The following CLSTN2 variants were observed in gnomAD, a reference collection of about 807,000 sequenced individuals.
CLSTN2 encodes calsyntenin 2.
CLSTN2 carries 48 observed loss-of-function variants against 101.2 expected under a neutral mutation model. The observed-to-expected ratio is 0.47, with a 90% CI of 0.38 to 0.60. The LOEUF is 0.60. Ranked by LOEUF, CLSTN2 falls within the 20% of genes least tolerant of loss-of-function variation. The pLI, the probability that CLSTN2 is intolerant of heterozygous loss-of-function variation, is 0.00. For synonymous variants in CLSTN2, 481 were observed against 463.6 expected (o/e 1.04, Z -0.48); for missense variants, 1,160 against 1,238.2 (o/e 0.94, Z 0.95).
intron 2 of CLSTN2, among the ~76,000 whole-genome samples, chr3:140,221,875 TA>T (rs1272302997): frequency 6.6e-6 from 1 of 152,000 alleles, no homozygotes; most frequent in Non-Finnish European, 1.5e-5. Context: ...GGTGGGAAAG[TA>T]AATTAGTACA....
At chr3:140,003,175 T>C (rs1560067107) in intron 1 of CLSTN2, among the ~76,000 whole-genome samples, 1 of 152,214 alleles carries the variant, frequency 6.6e-6, no homozygotes, top group Non-Finnish European at 1.5e-5. Flanking sequence ...TTTAACAATA[T>C]TGATTCTTCC....
Position 140,061,761 on chromosome 3 carries a change from C to G in CLSTN2, c.110-114190C>G, listed in dbSNP as rs1254960535. ...AGGCAGATGGAAAATCTTGCCATGG[C>G]CTGAAAGGACCATGCTGTTTCTTGC... On this transcript the variant is annotated intron_variant, in intron 1 of 16. Transcript: ENST00000458420. Among the ~76,000 whole-genome samples, 8 of 152,340 alleles carry G rather than the reference C, an allele frequency of 5.3e-5. 1 individual carries two copies. In the South Asian group the frequency reaches 1.7e-3, roughly 32 times the overall value.
intron 1 of CLSTN2, among the ~76,000 whole-genome samples, chr3:140,077,552 G>T (rs568126441): frequency 6.6e-6 from 1 of 152,264 alleles, no homozygotes; most frequent in East Asian, 1.9e-4. Flanking sequence ...TGCGAGATGT[G>T]GGGGAGACTC....
intron 2 of CLSTN2, among the ~76,000 whole-genome samples, chr3:140,257,021 G>A (rs2086609416): frequency 6.6e-6 from 1 of 152,138 alleles, no homozygotes; most frequent in Non-Finnish European, 1.5e-5. Flanking sequence ...GGGCGCGATG[G>A]CTCACGCTTG....
intron 1 of CLSTN2, among the ~76,000 whole-genome samples, chr3:140,065,537 ATGGACTTGAATG>A (rs1395400802): frequency 2.0e-5 from 3 of 152,312 alleles, no homozygotes; most frequent in Admixed American, 2.0e-4. Context: ...GGTAATTCCT[ATGGACTTGAATG>A]TGTTATCCTG....
At chr3:140,246,319 G>A (rs2086517221) in intron 2 of CLSTN2, among the ~76,000 whole-genome samples, 1 of 152,188 alleles carries the variant, frequency 6.6e-6, no homozygotes, top group South Asian at 2.1e-4. Flanking sequence ...ATCAGAGAGC[G>A]TTCCTGGTAA....
At chr3:140,194,288 A>T (rs79117632) in intron 2 of CLSTN2, among the ~76,000 whole-genome samples, 1 of 152,112 alleles carries the variant, frequency 6.6e-6, no homozygotes, top group African/African-American at 2.4e-5. Flanking sequence ...GTGTCCTTAC[A>T]TGGTGGAAGG....
At chr3:140,146,062 G>C (rs2009776698) in intron 1 of CLSTN2, among the ~76,000 whole-genome samples, 1 of 152,198 alleles carries the variant, frequency 6.6e-6, no homozygotes, top group African/African-American at 2.4e-5. Flanking sequence ...CCTTTCCCAA[G>C]ACATCCTGAG....
At chr3:140,180,578 C>A (rs2010393058) in intron 2 of CLSTN2, among the ~76,000 whole-genome samples, 1 of 152,152 alleles carries the variant, frequency 6.6e-6, no homozygotes, top group South Asian at 2.1e-4. Context: ...TTAATTTCTA[C>A]CTGTGCCCCA....
Position 140,448,556 on chromosome 3 carries a change from G to A in CLSTN2, c.825G>A (p.Gly275=), listed in dbSNP as rs752876539. 6.8e-6 allele frequency: 11 copies of A among 1,614,030 alleles called. No individual in the cohort carries two copies. In the East Asian group the frequency reaches 2.5e-4, roughly 36 times the overall value. The part of the protein sequence containing the change: ...TKRIEYQPGS[G]SMPLFPSIHL... ...GGATTGAGTACCAGCCTGGCTCCGG[G>A]AGCATGCCCCTGTTCCCCAGCATCC... Residue 275 remains glycine, a synonymous_variant, in exon 6 of 17, where the codon GGG becomes GGA. Coordinates refer to ENST00000458420, the MANE Select transcript of CLSTN2 (RefSeq NM_022131.3).
chr3:140,534,425 G>A (rs563419552), intron 9 of CLSTN2, among the ~76,000 whole-genome samples: 1 of 152,216 alleles, frequency 6.6e-6, no homozygotes, highest in East Asian at 1.9e-4. Flanking sequence ...CCAGAGTGGG[G>A]AAGTAGCCCC....
rs532986152 is a variant in CLSTN2 at position 140,259,330 on chromosome 3, C to T, written c.232+83257C>T. Among the ~76,000 whole-genome samples, 67 of 151,832 alleles carry T rather than the reference C, an allele frequency of 4.4e-4. 1 individual carries two copies. Among genetic ancestry groups the T allele is most frequent in the African/African-American group, 1.5e-3 (63 of 41,358 alleles). On this transcript the variant is annotated intron_variant, in intron 2 of 16. Transcript: ENST00000458420. ...CTCTACTAAAAATACAAAAATTAGC[C>T]AGGTGTGGTGGCAGGCACATGTAAT...
At chr3:139,986,528 T>C (rs924911986) in intron 1 of CLSTN2, among the ~76,000 whole-genome samples, 2 of 152,150 alleles carry the variant, frequency 1.3e-5, no homozygotes, top group African/African-American at 2.4e-5. Context: ...TCTGCCCTCT[T>C]CTTGTGGAGA....
rs577016298 is a variant in CLSTN2, at chr3:140,225,656, C to T, written c.232+49583C>T. On this transcript the variant is annotated intron_variant, in intron 2 of 16. Coordinates refer to ENST00000458420, the MANE Select transcript of CLSTN2 (RefSeq NM_022131.3). ...GGGACTACAGGTGTGTGCTGCCATGCCCAGCTAATTTTTATATTCTTAGTA... is the reference window on the plus strand; with the variant it reads ...GGGACTACAGGTGTGTGCTGCCATGTCCAGCTAATTTTTATATTCTTAGTA... 2.3e-4 allele frequency among the ~76,000 whole-genome samples: 35 copies of T among 152,172 alleles called. No homozygotes were observed. The South Asian group carries it at 6.2e-3, about 27-fold the overall frequency.
chr3:140,012,123 G>A (rs190360023), intron 1 of CLSTN2, among the ~76,000 whole-genome samples: 2 of 152,204 alleles, frequency 1.3e-5, no homozygotes, highest in East Asian at 3.9e-4. Context: ...ATGGTCCAGT[G>A]CGTGGTTGGC....
intron 1 of CLSTN2, among the ~76,000 whole-genome samples, chr3:140,042,717 C>A (rs138674323): frequency 6.6e-6 from 1 of 152,124 alleles, no homozygotes; most frequent in Non-Finnish European, 1.5e-5. Context: ...TGTTCCCCAC[C>A]CTGTGTCCAA....
intron 1 of CLSTN2, among the ~76,000 whole-genome samples, chr3:140,133,217 A>T: frequency 6.6e-6 from 1 of 152,054 alleles, no homozygotes; most frequent in Admixed American, 6.6e-5. Flanking sequence ...TTTCTTGTAA[A>T]CTAACAGAGC....
At chr3:140,146,808 T>C (rs976483779) in intron 1 of CLSTN2, among the ~76,000 whole-genome samples, 1 of 152,184 alleles carries the variant, frequency 6.6e-6, no homozygotes, top group Non-Finnish European at 1.5e-5. Flanking sequence ...CCCTCCTTCC[T>C]CCTGCACCAC....
chr3:140,341,896 G>C (rs1201029158), intron 2 of CLSTN2, among the ~76,000 whole-genome samples: 1 of 152,190 alleles, frequency 6.6e-6, no homozygotes, highest in Non-Finnish European at 1.5e-5. Context: ...CCTCCAGAGT[G>C]AGTCTGACAG....
Sources: allele counts gnomAD v4.1 joint callset (sites outside exome capture counted in the v4.1 genomes callset), GRCh38; gene constraint gnomAD v4.1.1; transcripts MANE v1.5; gene names NCBI Gene and HGNC (gene_info 2026-07-23, HGNC 2026-07-21).